The following DNAJC13 variants were observed in gnomAD, a reference collection of about 807,000 sequenced individuals.
The protein encoded by DNAJC13 is DnaJ heat shock protein family (Hsp40) member C13, also known as dnaJ homolog subfamily C member 13.
Under a neutral mutation model 290.5 loss-of-function variants are expected in DNAJC13, and 75 were observed. The observed-to-expected ratio is 0.26, with a 90% CI of 0.21 to 0.31. DNAJC13 has a LOEUF of 0.31. Among genes scored for constraint, DNAJC13 ranks in the 10% least tolerant of loss-of-function variants. The pLI, the probability that DNAJC13 is intolerant of heterozygous loss-of-function variation, is 1.00. For missense variants in DNAJC13, 2,260 were observed against 2,674.5 expected (o/e 0.85, Z 3.42); for synonymous variants, 862 against 892.0 (o/e 0.97, Z 0.60).
intron 39 of DNAJC13, 56 bp downstream of exon 39, chr3:132,500,969 A>T: frequency 6.3e-7 from 1 of 1,590,960 alleles, no homozygotes; most frequent in Non-Finnish European, 8.6e-7. Flanking sequence ...CTTTTTGTCA[A>T]CTAGCCAGTT....
intron 41 of DNAJC13, 67 bp downstream of exon 41, chr3:132,503,448 A>G: frequency 5.2e-6 from 8 of 1,539,272 alleles, no homozygotes; most frequent in Non-Finnish European, 7.1e-6. Context: ...GTAAAGTAGT[A>G]CAATAATATT....
At chr3:132,434,070 C>T (rs1015506287) in intron 1 of DNAJC13, among the ~76,000 whole-genome samples, 4 of 152,076 alleles carry the variant, frequency 2.6e-5, no homozygotes, top group African/African-American at 4.8e-5. Context: ...ATTAGCTGGG[C>T]GTGGTGGCAG....
Position 132,491,003 on chromosome 3 carries a change from T to C in DNAJC13, c.3575T>C (p.Phe1192Ser). The C allele has an allele frequency of 1.2e-6, 2 of 1,612,956 alleles. No individual in the cohort carries two copies. The highest frequency in any genetic ancestry group is 1.7e-6 in the Non-Finnish European group (2 of 1,179,532). ...NYEPEKFSEI[F>S]LGEFDTPEAI... is the part of the protein sequence containing the mutation. ...GAACCTGAAAAGTTTTCTGAGATTTTTCTAGGAGAATTTGATACTCCAGAA... is the reference window on the plus strand; with the variant it reads ...GAACCTGAAAAGTTTTCTGAGATTTCTCTAGGAGAATTTGATACTCCAGAA... Residue 1192 changes from phenylalanine (F) to serine (S), a missense_variant, in exon 32 of 56, where the codon TTT becomes TCT. Coordinates refer to ENST00000260818, the MANE Select transcript of DNAJC13 (RefSeq NM_015268.4).
chr3:132,466,192 C>A, intron 18 of DNAJC13, 107 bp from the exon 19 acceptor site: 1 of 1,398,154 alleles, frequency 7.2e-7, no homozygotes, highest in South Asian at 1.3e-5. Flanking sequence ...TAGGAGTTAC[C>A]GTAAAGTTTT....
intron 52 of DNAJC13, 124 bp from the exon 53 acceptor site, chr3:132,526,007 AAATTTGGTTC>A: frequency 1.5e-6 from 2 of 1,293,026 alleles, no homozygotes; most frequent in Admixed American, 5.5e-5. Context: ...TTAATAGATT[AAATTTGGTTC>A]AATTCATTGT....
intron 2 of DNAJC13, 115 bp downstream of exon 2, chr3:132,434,733 C>A: frequency 1.5e-6 from 1 of 659,846 alleles, no homozygotes; most frequent in Non-Finnish European, 2.3e-6. Context: ...CCCTTCTCTT[C>A]TGAAAAACGT....
chr3:132,469,963 C>CTTTTTTTTTTTTTTTT (rs61726289), intron 20 of DNAJC13, among the ~76,000 whole-genome samples: 4 of 61,156 alleles, frequency 6.5e-5, no homozygotes, highest in East Asian at 7.1e-4. Context: ...AGCAGAGATT[C>CTTTTTTTTTTTTTTTT]TTTTTTTTTT....
At chr3:132,478,801 T>C (rs1025254016) in intron 24 of DNAJC13, among the ~76,000 whole-genome samples, 2 of 152,184 alleles carry the variant, frequency 1.3e-5, no homozygotes, top group African/African-American at 2.4e-5. Context: ...TTGAACATGG[T>C]GGAGGGGACA....
At chr3:132,435,270 G>A (rs1426236812) in intron 2 of DNAJC13, among the ~76,000 whole-genome samples, 2 of 152,172 alleles carry the variant, frequency 1.3e-5, no homozygotes, top group African/African-American at 4.8e-5. Context: ...TCAGTGAATG[G>A]CATCTGTTGA....
At chr3:132,440,612 A>G (rs372135885) in intron 2 of DNAJC13, among the ~76,000 whole-genome samples, 72 of 152,364 alleles carry the variant, frequency 4.7e-4, no homozygotes, top group African/African-American at 1.6e-3. Context: ...GTTGTACACT[A>G]GGAGCAATAA....
At chr3:132,531,146 T>G in intron 55 of DNAJC13, 49 bp downstream of exon 55, 2 of 1,515,094 alleles carry the variant, frequency 1.3e-6, no homozygotes, top group Middle Eastern at 1.7e-4. Context: ...AGAAGCCACT[T>G]GGACCTTCCT....
At chr3:132,497,900 CT>C (rs1304899637) in intron 36 of DNAJC13, among the ~76,000 whole-genome samples, 1 of 150,880 alleles carries the variant, frequency 6.6e-6, no homozygotes, top group Admixed American at 6.6e-5. Context: ...TCCAGGGGGC[CT>C]TTTTTTTAAA....
intron 55 of DNAJC13, among the ~76,000 whole-genome samples, chr3:132,534,519 A>G (rs1281860398): frequency 3.3e-5 from 5 of 152,130 alleles, no homozygotes; most frequent in South Asian, 2.1e-4. Context: ...TTAGCCAGGC[A>G]TGTTGGTGCA....
chr3:132,437,916 C>T lies in DNAJC13; in HGVS notation c.68+3298C>T, dbSNP rs372557275. 1.6e-4 allele frequency among the ~76,000 whole-genome samples: 24 copies of T among 151,926 alleles called. No individual in the cohort carries two copies. In the East Asian group the frequency reaches 2.1e-3, roughly 13 times the overall value. ...AAGTACAAAAATTAGTTGGGCATGG[C>T]GGCGCTCCCCTTTAGTCCTACCTAC... On this transcript the variant is annotated intron_variant, in intron 2 of 55. Coordinates refer to ENST00000260818, the MANE Select transcript of DNAJC13 (RefSeq NM_015268.4).
intron 20 of DNAJC13, among the ~76,000 whole-genome samples, chr3:132,472,295 G>A (rs1934307553): frequency 6.6e-6 from 1 of 152,202 alleles, no homozygotes; most frequent in African/African-American, 2.4e-5. Context: ...CAGACTTTAA[G>A]AATTCTTGAA....
In DNAJC13 at chr3:132,436,135, A is replaced by G. The variant is rs558344879; in HGVS notation, c.68+1517A>G. Among the ~76,000 whole-genome samples, 3 of 152,280 alleles carry G rather than the reference A, an allele frequency of 2.0e-5. No homozygotes were observed. The East Asian group carries it at 5.8e-4, about 29-fold the overall frequency. On this transcript the variant is annotated intron_variant, in intron 2 of 55. Transcript: ENST00000260818. ...ATTCATAAAGTTGTAAACCATCATC[A>G]CTGTTTTGAGAACACTTTCATCACC...
chr3:132,522,993 C>G lies in DNAJC13; in HGVS notation c.5839C>G (p.Leu1947Val), dbSNP rs1040696746. The G allele has an allele frequency of 1.2e-6, 2 of 1,606,760 alleles. No individual in the cohort carries two copies. The highest frequency in any genetic ancestry group is 2.7e-5 in the African/African-American group (2 of 74,454). ...KVSTTVREMM[L>V]EHFKNQQDNP... is the part of the protein sequence containing the mutation. Reference sequence around the variant, plus strand: ...GTCCACAACAGTTAGGGAAATGATGCTAGAGTAAGTAAAAACAAAGGTAAT... The same window carrying G: ...GTCCACAACAGTTAGGGAAATGATGGTAGAGTAAGTAAAAACAAAGGTAAT... The change falls in exon 49 of 56, where the codon CTA becomes GTA. Residue 1947 changes from leucine to valine, a missense_variant. By Grantham distance (32) the Leu-to-Val change is conservative. Around this residue, in one of 3 missense-constraint regions of DNAJC13, gnomAD observed 1,494 missense variants for 1,693.7 expected, o/e 0.88. Coordinates refer to ENST00000260818, the MANE Select transcript of DNAJC13 (RefSeq NM_015268.4).
At chr3:132,517,789 A>G (rs1267519857) in intron 48 of DNAJC13, among the ~76,000 whole-genome samples, 1 of 152,182 alleles carries the variant, frequency 6.6e-6, no homozygotes, top group Non-Finnish European at 1.5e-5. Flanking sequence ...GGCTAATTAA[A>G]CACTTTTTAC....
intron 2 of DNAJC13, 83 bp downstream of exon 2, chr3:132,434,701 C>A: frequency 9.0e-7 from 1 of 1,107,330 alleles, no homozygotes; most frequent in Non-Finnish European, 1.3e-6. Context: ...TTGAATAATA[C>A]TGCACAACTC....
Sources: gnomAD v4.1 joint callset for allele counts (sites outside exome capture counted in the v4.1 genomes callset) on GRCh38, gnomAD v4.1.1 for gene constraint, gnomAD v4.1.1 regional missense constraint, MANE v1.5 for transcripts, NCBI Gene and HGNC (gene_info 2026-07-23, HGNC 2026-07-21) for gene names.